TTC7B: variants seen among roughly 807,000 people sequenced by gnomAD.
The protein encoded by TTC7B is tetratricopeptide repeat protein 7B.
A neutral mutation model predicts 106.8 loss-of-function variants in TTC7B; 28 were observed. That is an observed-to-expected ratio of 0.26 (90% CI 0.19 to 0.36). TTC7B has a LOEUF of 0.36. Ranked by LOEUF, TTC7B falls within the 10% of genes least tolerant of loss-of-function variation. The probability of loss-of-function intolerance (pLI) is 1.00; values close to 1 mark genes in which losing one functional copy is unlikely to be tolerated. For missense variants in TTC7B, 862 were observed against 1,076.4 expected, an observed-to-expected ratio of 0.80 and a Z score of 2.79; for synonymous variants, 405 against 430.6, an observed-to-expected ratio of 0.94 and a Z score of 0.74.
chr14:90,641,875 T>C (rs573860134), intron 15 of TTC7B, among the ~76,000 whole-genome samples: 44 of 152,218 alleles, frequency 2.9e-4, no homozygotes, highest in Non-Finnish European at 5.7e-4. Context: ...CCCTAGGCTA[T>C]GGAAGAAGGA....
intron 1 of TTC7B, among the ~76,000 whole-genome samples, chr14:90,801,056 C>T (rs2030233539): frequency 6.9e-6 from 1 of 144,592 alleles, no homozygotes; most frequent in Non-Finnish European, 1.5e-5. Context: ...GAGACCTTGT[C>T]TCTATACAAA....
chr14:90,571,005 G>T (rs1478607587), intron 19 of TTC7B, among the ~76,000 whole-genome samples: 1 of 152,068 alleles, frequency 6.6e-6, no homozygotes, highest in African/African-American at 2.4e-5. Context: ...GGTTCCTAAG[G>T]GACCACACCA....
chr14:90,718,933 A>C (rs1888769678), intron 5 of TTC7B, among the ~76,000 whole-genome samples: 1 of 151,592 alleles, frequency 6.6e-6, no homozygotes, highest in Admixed American at 6.6e-5. Flanking sequence ...ATGGGGGCAA[A>C]GGGTTAAATT....
intron 17 of TTC7B, among the ~76,000 whole-genome samples, chr14:90,607,218 C>T (rs2139837464): frequency 6.6e-6 from 1 of 152,212 alleles, no homozygotes; most frequent in South Asian, 2.1e-4. Flanking sequence ...AAAACAGATC[C>T]AAGAGGACTT....
At chr14:90,650,120 G>C (rs910494219) in intron 13 of TTC7B, among the ~76,000 whole-genome samples, 1 of 152,154 alleles carries the variant, frequency 6.6e-6, no homozygotes, top group African/African-American at 2.4e-5. Flanking sequence ...AGAATATAGA[G>C]AAGGCTGATC....
Position 90,530,889 on chromosome 14 carries a change from A to G in TTC7B, c.*10479T>C, listed in dbSNP as rs1011265598. 5.3e-5 allele frequency: 8 copies of G among 152,204 alleles called. No individual in the cohort carries two copies. The highest frequency in any genetic ancestry group is 1.3e-4 in the Admixed American group (2 of 15,276). The allele number at this position is 152,204 out of a possible 1,614,324, so 9.4% of individuals were successfully genotyped here. A position where few individuals can be genotyped will look rare whatever the true frequency, so the allele number is the denominator to read the frequency against. On this transcript the variant is annotated 3_prime_UTR_variant, in exon 20 of 20. Transcript: ENST00000328459. ...ATACTGCTCGGGTGATGGGTGCACC[A>G]AAATCTCACAAATCACCACTAAAGA...
chr14:90,782,073 G>A (rs1044725582), intron 2 of TTC7B, among the ~76,000 whole-genome samples: 33 of 152,266 alleles, frequency 2.2e-4, no homozygotes, highest in African/African-American at 7.7e-4. Flanking sequence ...TGGACAACAC[G>A]GCCAGGTAGC....
intron 3 of TTC7B, among the ~76,000 whole-genome samples, chr14:90,777,492 G>A (rs1307594579): frequency 6.6e-6 from 1 of 152,098 alleles, no homozygotes; most frequent in African/African-American, 2.4e-5. Flanking sequence ...ATCAGCAAAG[G>A]CTAACGTTGG....
intron 19 of TTC7B, among the ~76,000 whole-genome samples, chr14:90,559,206 G>A (rs542177590): frequency 9.2e-4 from 140 of 152,376 alleles, no homozygotes; most frequent in African/African-American, 3.2e-3. Flanking sequence ...CAGTTAACAA[G>A]GAGCATCTCC....
At chr14:90,740,296 C>T (rs555359846) in intron 4 of TTC7B, among the ~76,000 whole-genome samples, 1 of 152,190 alleles carries the variant, frequency 6.6e-6, no homozygotes, top group East Asian at 1.9e-4. Context: ...CCCCAGAAAA[C>T]CAGGCAAGTC....
rs936276384 is a variant in TTC7B, at chr14:90,807,376, T to C, written c.121+8799A>G. Among the ~76,000 whole-genome samples, 1 of 152,156 alleles carries C rather than the reference T, an allele frequency of 6.6e-6. No homozygotes were observed. Among genetic ancestry groups the C allele is most frequent in the African/African-American group, 2.4e-5 (1 of 41,440 alleles). Reference sequence around the variant, plus strand: ...CACTCGGACAACCACGTCTAAAGTCTGGTCCTAGAACTCCGGGCACCATAA... The same window carrying C: ...CACTCGGACAACCACGTCTAAAGTCCGGTCCTAGAACTCCGGGCACCATAA... On this transcript the variant is annotated intron_variant, in intron 1 of 19. Transcript: ENST00000328459. The surrounding 1 kb of genome is among the most constrained non-coding windows in gnomAD (Gnocchi z 4.1).
chr14:90,618,214 G>C (rs1233785017), intron 15 of TTC7B, among the ~76,000 whole-genome samples, 169 bp from the exon 16 acceptor site: 1 of 152,220 alleles, frequency 6.6e-6, no homozygotes, highest in African/African-American at 2.4e-5. Flanking sequence ...CCTGGCTCAA[G>C]GTGTTGCTTT....
chr14:90,574,745 C>T (rs1891188171), intron 19 of TTC7B, among the ~76,000 whole-genome samples: 1 of 152,234 alleles, frequency 6.6e-6, no homozygotes, highest in Non-Finnish European at 1.5e-5. Flanking sequence ...GCCACCTGAC[C>T]ACCACCTGTG....
At chr14:90,801,585 CTG>C (rs1400163370) in intron 1 of TTC7B, among the ~76,000 whole-genome samples, 7 of 152,124 alleles carry the variant, frequency 4.6e-5, no homozygotes, top group African/African-American at 1.7e-4. Context: ...ACCAAGAGCT[CTG>C]TTTGGGCCAA....
intron 4 of TTC7B, among the ~76,000 whole-genome samples, chr14:90,740,040 T>G (rs1317112973): frequency 2.0e-5 from 3 of 152,256 alleles, no homozygotes; most frequent in African/African-American, 7.2e-5. Context: ...ATGCTCAATT[T>G]TAGGGGTAGT....
chr14:90,713,125 C>CT (rs540468118), intron 5 of TTC7B, among the ~76,000 whole-genome samples: 2 of 151,638 alleles, frequency 1.3e-5, no homozygotes, highest in African/African-American at 2.4e-5. Context: ...CTAAGAATAC[C>CT]TTTTTTTTGA....
chr14:90,631,631 C>T (rs959631050), intron 15 of TTC7B, among the ~76,000 whole-genome samples: 2 of 152,046 alleles, frequency 1.3e-5, no homozygotes, highest in African/African-American at 4.8e-5. Flanking sequence ...TGGTCTCGAA[C>T]TCCTGACTTT....
chr14:90,782,957 A>T (rs112804434), intron 2 of TTC7B, among the ~76,000 whole-genome samples: 3 of 152,032 alleles, frequency 2.0e-5, no homozygotes, highest in African/African-American at 4.8e-5. Flanking sequence ...AAAAAAAAAA[A>T]GGTTAACAAA....
At chr14:90,603,251 A>G (rs1892505971) in intron 17 of TTC7B, 1 of 1,289,448 alleles carries the variant, frequency 7.8e-7, no homozygotes, top group Non-Finnish European at 1.0e-6. Flanking sequence ...TAAACTACTT[A>G]CTAACTGAAA....
Sources: gnomAD v4.1 joint callset for allele counts (sites outside exome capture counted in the v4.1 genomes callset) on GRCh38, gnomAD v4.1.1 for gene constraint, Gnocchi (gnomAD v3.1) non-coding constraint, MANE v1.5 for transcripts, NCBI Gene and HGNC (gene_info 2026-07-23, HGNC 2026-07-21) for gene names.